The following NEB variants were observed in gnomAD, a reference collection of about 807,000 sequenced individuals.
NEB encodes nebulin.
Under a neutral mutation model 952.2 loss-of-function variants are expected in NEB, and 512 were observed. That is an observed-to-expected ratio of 0.54 (90% confidence interval 0.50 to 0.58). The LOEUF is 0.58. Among genes scored for constraint, NEB ranks in the 20% least tolerant of loss-of-function variants. The pLI is 0.00. For missense variants in NEB, 8,428 were observed against 9,231.1 expected (o/e 0.91, Z 3.56); for synonymous variants, 2,900 against 3,149.8 (o/e 0.92, Z 2.66).
At chr2:151,711,083 C>T (rs546883371) in intron 10 of NEB, among the ~76,000 whole-genome samples, 2 of 152,324 alleles carry the variant, frequency 1.3e-5, no homozygotes, top group Admixed American at 1.3e-4. Flanking sequence ...CCAAATCCCA[C>T]TCCATCTGAA....
rs373854612 is a variant in NEB, at chr2:151,514,107, C to T, written c.23127+211G>A. Among the ~76,000 whole-genome samples the T allele has an allele frequency of 9.2e-5, 14 of 152,126 alleles. No individual in the cohort carries two copies. In the East Asian group the frequency reaches 1.3e-3, roughly 15 times the overall value. On this transcript the variant is annotated intron_variant, in intron 159 of 181. Transcript: ENST00000397345. ...ATATTAGATAATAGATTATGATAAC[C>T]ACTACAGAAACACACTGTTACAATA...
In NEB at chr2:151,490,393, C is replaced by A; in HGVS notation, c.25276G>T (p.Gly8426Cys). 1.9e-6 allele frequency: 3 copies of A among 1,591,858 alleles called. No homozygotes were observed. The highest frequency in any genetic ancestry group is 2.6e-6 in the Non-Finnish European group (3 of 1,168,274). ...GTACCTGTTGAGACTGCAAAGACAC[C>A]CCCGTCGCTGTAAGTCGAAAGGTGG... ...DHHLSTYSDGGVFAVSTAYKH... is the reference protein window; with the variant it reads ...DHHLSTYSDGCVFAVSTAYKH... The change falls in exon 180 of 182, where the codon GGT becomes TGT. Residue 8426 changes from glycine to cysteine, a missense_variant. Physicochemically the swap from Gly to Cys is radical, Grantham distance 159. Transcript: ENST00000397345.
At chr2:151,615,749 T>G in intron 76 of NEB, 1 of 351,398 alleles carries the variant, frequency 2.8e-6, no homozygotes, top group Non-Finnish European at 5.1e-6. Context: ...CTCAAAAATA[T>G]GAACCCATTT....
Position 151,609,780 on chromosome 2 carries a change from C to A in NEB, c.12330+29G>T, listed in dbSNP as rs546628365. 5 of 1,543,008 alleles carry A rather than the reference C, an allele frequency of 3.2e-6. No homozygotes were observed. In the South Asian group the frequency reaches 5.1e-5, roughly 16 times the overall value. On this transcript the variant is annotated intron_variant, in intron 81 of 181. Transcript: ENST00000397345. ...ATGAACAAATCTACATCTTCCCCTTCCCCCTTTCCCAAAATTCATGTTACG... is the reference window on the plus strand; with the variant it reads ...ATGAACAAATCTACATCTTCCCCTTACCCCTTTCCCAAAATTCATGTTACG...
intron 20 of NEB, among the ~76,000 whole-genome samples, 194 bp downstream of exon 20, chr2:151,694,129 A>G (rs2099578608): frequency 6.6e-6 from 1 of 152,238 alleles, no homozygotes; most frequent in Non-Finnish European, 1.5e-5. Context: ...GAAAATTTGC[A>G]GTATTCACTG....
Position 151,627,827 on chromosome 2 carries a change from T to G in NEB, c.9839A>C (p.Tyr3280Ser), listed in dbSNP as rs2098553194. The change falls in exon 69 of 182, where the codon TAC becomes TCC. Residue 3280 changes from tyrosine to serine, a missense_variant. By Grantham distance (144) the Tyr-to-Ser change is moderately radical (BLOSUM62 -2). This residue lies in a region of NEB where 1,772 missense variants were observed against 1,960.3 expected (regional missense o/e 0.90). Coordinates refer to ENST00000397345, the MANE Select transcript of NEB (RefSeq NM_001164508.2). ...GAGCTGCTTGCGGTAACCATCTTTG[T>G]ATTTGTACTGAAATAAAGGTGGTCA... ...ASRDVISDYK[Y>S]KDGYRKQLGH... 3.1e-6 allele frequency: 5 copies of G among 1,613,206 alleles called. No homozygotes were observed. In the East Asian group the frequency reaches 1.1e-4, roughly 36 times the overall value.
At chr2:151,666,604 G>A (rs938743207) in intron 40 of NEB, among the ~76,000 whole-genome samples, 1 of 152,036 alleles carries the variant, frequency 6.6e-6, no homozygotes, top group Non-Finnish European at 1.5e-5. Flanking sequence ...ATTAAAAATG[G>A]AATAATGGAA....
At chr2:151,721,707 T>C (rs895809534) in intron 9 of NEB, among the ~76,000 whole-genome samples, 10 of 152,222 alleles carry the variant, frequency 6.6e-5, no homozygotes, top group Non-Finnish European at 1.0e-4. Flanking sequence ...CTGCCAGGTG[T>C]GCATGCATAA....
chr2:151,595,741 G>C (rs2097431407), intron 92 of NEB, among the ~76,000 whole-genome samples: 1 of 22,474 alleles, frequency 4.4e-5, no homozygotes, highest in Non-Finnish European at 8.4e-5. Context: ...TATATTTGTG[G>C]AGAATGTCAG....
In NEB at chr2:151,553,515, G is replaced by C. The variant is rs745770468; in HGVS notation, c.19627-13C>G. The C allele has an allele frequency of 2.6e-6, 4 of 1,562,916 alleles. No individual in the cohort carries two copies. Among genetic ancestry groups the C allele is most frequent in the Non-Finnish European group, 3.5e-6 (4 of 1,140,386 alleles). On this transcript the variant is annotated splice_polypyrimidine_tract_variant and intron_variant, in intron 126 of 181. Transcript: ENST00000397345. ...CCTTGTATACAATCTAGAGGGTTTT[G>C]ATAGAAAGGATCAGAAAAAAAAAAT...
In NEB at chr2:151,496,269, C is replaced by CAA; in HGVS notation, c.24486+5_24486+6dup. 1 of 1,598,926 alleles carries CAA rather than the reference C, an allele frequency of 6.3e-7. No homozygotes were observed. Among genetic ancestry groups the CAA allele is most frequent in the East Asian group, 2.2e-5 (1 of 44,668 alleles). ...GTAAGTAGTTTTTTTCTTTTCTCGC[C>CAA]AAGTACCGAGCTAATATTTTCTTGA... On this transcript the variant is annotated splice_region_variant and intron_variant, in intron 173 of 181. Transcript: ENST00000397345.
chr2:151,663,476 G>A (rs1434799809), intron 45 of NEB, 72 bp downstream of exon 45: 7 of 1,412,382 alleles, frequency 5.0e-6, no homozygotes, highest in African/African-American at 1.4e-5. Flanking sequence ...TTTTCAAAAC[G>A]TCATTGCTTA....
rs753494666 is a variant in NEB at position 151,567,210 on chromosome 2, G to A, written c.18114C>T (p.Asn6038=). The part of the protein sequence containing the change: ...LHQWMCHPDQ[N]DVIQARKAYD... ...AGGCCTTTCTTGCCTGAATAACATC[G>A]TTCTGGTCAGGATGACACATCCATT... Residue 6038 remains asparagine, a synonymous_variant, in exon 114 of 182, where the codon AAC becomes AAT. Coordinates refer to ENST00000397345, the MANE Select transcript of NEB (RefSeq NM_001164508.2). The A allele has an allele frequency of 5.6e-6, 9 of 1,612,828 alleles. No individual in the cohort carries two copies. Among genetic ancestry groups the A allele is most frequent in the Non-Finnish European group, 7.6e-6 (9 of 1,179,162 alleles).
chr2:151,552,656 C>T lies in NEB; in HGVS notation c.19836+16G>A. ...GCTTTATTACTGTCCACTTAACTTC[C>T]CCAGTGATCACTTACGTCACTTAGC... On this transcript the variant is annotated intron_variant, in intron 128 of 181. Transcript: ENST00000397345. 5 of 1,587,882 alleles carry T rather than the reference C, an allele frequency of 3.1e-6. No individual in the cohort carries two copies. The highest frequency in any genetic ancestry group is 1.1e-5 in the South Asian group (1 of 89,712).
At chr2:151,530,033 T>C (rs560918131) in intron 145 of NEB, among the ~76,000 whole-genome samples, 1 of 152,318 alleles carries the variant, frequency 6.6e-6, no homozygotes, top group Admixed American at 6.5e-5. Flanking sequence ...ATAGCTATTA[T>C]CATATCGTGT....
At chr2:151,626,890 A>G in intron 70 of NEB, 112 bp downstream of exon 70, 2 of 1,309,588 alleles carry the variant, frequency 1.5e-6, no homozygotes, top group Non-Finnish European at 2.1e-6. Flanking sequence ...CTGAATCACT[A>G]TACATTGGAT....
intron 71 of NEB, among the ~76,000 whole-genome samples, chr2:151,622,648 G>A (rs879160961): frequency 2.0e-5 from 3 of 151,898 alleles, no homozygotes; most frequent in Admixed American, 2.0e-4. Context: ...TACACATTAT[G>A]GCCTTCATCC....
chr2:151,726,369 G>C (rs2099790374), intron 5 of NEB, among the ~76,000 whole-genome samples: 1 of 152,158 alleles, frequency 6.6e-6, no homozygotes, highest in Admixed American at 6.5e-5. Flanking sequence ...GATTATTTAA[G>C]GCTCTGAACT....
chr2:151,567,948 T>C (rs1276514826), intron 113 of NEB, 123 bp downstream of exon 113: 16 of 689,908 alleles, frequency 2.3e-5, no homozygotes, highest in Non-Finnish European at 3.9e-5. Flanking sequence ...TCACCAAGCC[T>C]GGCCAGGTCT....
Sources: allele counts gnomAD v4.1 joint callset (sites outside exome capture counted in the v4.1 genomes callset), GRCh38; gene constraint gnomAD v4.1.1; regional missense constraint gnomAD v4.1.1; transcripts MANE v1.5; gene names NCBI Gene and HGNC (gene_info 2026-07-23, HGNC 2026-07-21).